Variants in ACAD10 observed in about 807,000 individuals in gnomAD.
ACAD10 encodes acyl-CoA dehydrogenase family member 10.
In ACAD10, 112 loss-of-function variants were observed where a neutral mutation model predicts 116.8. The observed-to-expected ratio is 0.96, with a 90% CI of 0.82 to 1.12. The LOEUF is 1.12. Among genes scored for constraint, ACAD10 ranks in the 50% most tolerant of loss-of-function variants. The pLI is 0.00. For missense variants in ACAD10, 1,259 were observed against 1,350.2 expected, an observed-to-expected ratio of 0.93 and a Z score of 1.06; for synonymous variants, 486 against 510.6, an observed-to-expected ratio of 0.95 and a Z score of 0.65.
At chr12:111,720,500 A>G (rs974787625) in intron 7 of ACAD10, among the ~76,000 whole-genome samples, 2 of 152,100 alleles carry the variant, frequency 1.3e-5, no homozygotes, top group African/African-American at 4.8e-5. Flanking sequence ...TATGATTGTA[A>G]TATCTTTCTG....
chr12:111,722,531 G>A (rs181711233), intron 8 of ACAD10, among the ~76,000 whole-genome samples: 41 of 151,932 alleles, frequency 2.7e-4, no homozygotes, highest in Non-Finnish European at 4.3e-4. Flanking sequence ...AGGACCCTGC[G>A]GCCTTCCGCA....
intron 1 of ACAD10, among the ~76,000 whole-genome samples, chr12:111,689,995 G>A (rs1363809053): frequency 2.0e-5 from 3 of 152,208 alleles, no homozygotes; most frequent in South Asian, 2.1e-4. Context: ...GATTACAGGC[G>A]TGAGCCACTG....
chr12:111,694,359 A>G (rs904632135), intron 2 of ACAD10, among the ~76,000 whole-genome samples: 2 of 151,952 alleles, frequency 1.3e-5, no homozygotes, highest in Non-Finnish European at 2.9e-5. Context: ...ACCACCCCCA[A>G]ATATTCTTGC....
At chr12:111,744,536 T>C (rs914284810) in intron 12 of ACAD10, 107 bp from the exon 13 acceptor site, 7 of 1,371,414 alleles carry the variant, frequency 5.1e-6, no homozygotes, top group African/African-American at 4.3e-5. Flanking sequence ...ACTTAGCAAG[T>C]GCTCAGCAAA....
intron 18 of ACAD10, chr12:111,753,460 G>A (rs1461369822): frequency 3.5e-6 from 2 of 569,372 alleles, no homozygotes; most frequent in South Asian, 1.5e-5. Flanking sequence ...AACTGCTCCT[G>A]TCTGGTAGCC....
At chr12:111,746,924 G>A (rs927220850) in intron 14 of ACAD10, 125 bp from the exon 15 acceptor site, 4 of 1,307,716 alleles carry the variant, frequency 3.1e-6, no homozygotes, top group Non-Finnish European at 4.1e-6. Flanking sequence ...GGCTTGAGCT[G>A]AGGAAGTCGA....
chr12:111,702,427 C>T (rs1424915681), intron 3 of ACAD10, 117 bp downstream of exon 3: 1 of 1,394,560 alleles, frequency 7.2e-7, no homozygotes, highest in South Asian at 1.4e-5. Flanking sequence ...TAACCCATTA[C>T]ATGTTTTAAA....
chr12:111,718,376 G>C (rs1888911326), intron 7 of ACAD10, among the ~76,000 whole-genome samples: 1 of 151,876 alleles, frequency 6.6e-6, no homozygotes, highest in Non-Finnish European at 1.5e-5. Context: ...TATCACTGCT[G>C]GTATTAACTG....
At chr12:111,739,483 G>A (rs984082600) in intron 12 of ACAD10, among the ~76,000 whole-genome samples, 6 of 152,170 alleles carry the variant, frequency 3.9e-5, no homozygotes, top group Admixed American at 6.6e-5. Flanking sequence ...CAGGCTGGGC[G>A]TGGTGGCTCA....
At chr12:111,738,794 C>G (rs979101383) in intron 12 of ACAD10, among the ~76,000 whole-genome samples, 13 of 152,034 alleles carry the variant, frequency 8.6e-5, no homozygotes, top group Non-Finnish European at 1.2e-4. Context: ...TCACTTGAAC[C>G]CAGGGGGCAG....
At chr12:111,689,614 T>G (rs1240355461) in intron 1 of ACAD10, among the ~76,000 whole-genome samples, 1 of 152,080 alleles carries the variant, frequency 6.6e-6, no homozygotes, top group Non-Finnish European at 1.5e-5. Flanking sequence ...CGACCTCAGG[T>G]GATCCGCCTA....
intron 7 of ACAD10, 124 bp downstream of exon 7, chr12:111,716,086 C>A: frequency 2.9e-6 from 4 of 1,385,394 alleles, no homozygotes; most frequent in Non-Finnish European, 4.0e-6. Context: ...CAATTATGGG[C>A]CAGGCTTGGT....
intron 2 of ACAD10, among the ~76,000 whole-genome samples, chr12:111,698,628 C>G (rs1005801262): frequency 3.0e-4 from 45 of 151,930 alleles, no homozygotes; most frequent in African/African-American, 1.1e-3. Context: ...CAGGCATGCA[C>G]CACCACCCCT....
At chr12:111,725,158 GA>G (rs1889176279) in intron 8 of ACAD10, among the ~76,000 whole-genome samples, 1 of 152,100 alleles carries the variant, frequency 6.6e-6, no homozygotes, top group African/African-American at 2.4e-5. Flanking sequence ...TGTAGATAAT[GA>G]TTTTTTTTGG....
intron 10 of ACAD10, among the ~76,000 whole-genome samples, chr12:111,731,791 A>G (rs1653082466): frequency 1.3e-5 from 2 of 152,230 alleles, no homozygotes; most frequent in African/African-American, 2.4e-5. Flanking sequence ...TTTGAAAAGT[A>G]GTAGGCAGTG....
intron 8 of ACAD10, 56 bp downstream of exon 8, chr12:111,721,795 A>G: frequency 1.4e-6 from 2 of 1,442,304 alleles, no homozygotes; most frequent in Non-Finnish European, 1.9e-6. Context: ...AGAAAAGCCC[A>G]TATGCTAACA....
chr12:111,740,240 G>A (rs1004479025), intron 12 of ACAD10, among the ~76,000 whole-genome samples: 4 of 152,190 alleles, frequency 2.6e-5, no homozygotes, highest in Non-Finnish European at 5.9e-5. Context: ...GAAGTAGGTG[G>A]ATCACCTGAG....
intron 14 of ACAD10, 113 bp downstream of exon 14, chr12:111,746,397 T>C (rs1004991460): frequency 1.9e-5 from 25 of 1,308,056 alleles, no homozygotes; most frequent in Non-Finnish European, 2.5e-5. Flanking sequence ...TGAACTTTTT[T>C]TTTTTTTTGA....
chr12:111,725,369 G>A (rs757071193), intron 8 of ACAD10, among the ~76,000 whole-genome samples: 25 of 152,072 alleles, frequency 1.6e-4, no homozygotes, highest in Non-Finnish European at 3.1e-4. Flanking sequence ...AATTAGCCAG[G>A]CGTGGAGGTG....
Sources: allele counts gnomAD v4.1 joint callset (sites outside exome capture counted in the v4.1 genomes callset), GRCh38; gene constraint gnomAD v4.1.1; transcripts MANE v1.5; gene names NCBI Gene and HGNC (gene_info 2026-07-23, HGNC 2026-07-21).